TGFBR2: variants seen among roughly 807,000 people sequenced by gnomAD.
The protein encoded by TGFBR2 is transforming growth factor beta receptor 2.
In TGFBR2, 18 loss-of-function variants were observed where a neutral mutation model predicts 49.0. That is an observed-to-expected ratio of 0.37 (90% CI 0.25 to 0.54). TGFBR2 has a LOEUF of 0.54. Among genes scored for constraint, TGFBR2 ranks in the 20% least tolerant of loss-of-function variants. The probability of loss-of-function intolerance (pLI) is 0.85; values close to 1 mark genes in which losing one functional copy is unlikely to be tolerated. For missense variants in TGFBR2, 525 were observed against 722.6 expected (o/e 0.73, Z 3.13); for synonymous variants, 282 against 275.9 (o/e 1.02, Z -0.22).
chr3:30,657,290 G>A (rs9838771), intron 3 of TGFBR2, among the ~76,000 whole-genome samples: 3,624 of 152,234 alleles, frequency 0.024, 134 homozygotes, highest in African/African-American at 0.081. Flanking sequence ...TTTGCCAAAC[G>A]GCAGCCCAGA....
intron 3 of TGFBR2, 120 bp from the exon 4 acceptor site, chr3:30,671,518 C>T (rs1699336408): frequency 4.0e-6 from 4 of 991,450 alleles, no homozygotes; most frequent in African/African-American, 1.6e-5. Flanking sequence ...TTAACAATAT[C>T]GTATCTACAA....
rs1180362720 is a variant in TGFBR2 at position 30,607,865 on chromosome 3, A to AAT, written c.94+897_94+898dup. On this transcript the variant is annotated intron_variant, in intron 1 of 6. Transcript: ENST00000295754. ...TATATATATAAATATATATAATATT[A>AAT]ATATATATATGCATGCAGGAATGGG... Among the ~76,000 whole-genome samples, 10 of 144,966 alleles carry AAT rather than the reference A, an allele frequency of 6.9e-5. No homozygotes were observed. In the East Asian group the frequency reaches 7.9e-4, roughly 11 times the overall value.
At chr3:30,646,510 T>C (rs1288957822) in intron 2 of TGFBR2, among the ~76,000 whole-genome samples, 1 of 152,160 alleles carries the variant, frequency 6.6e-6, no homozygotes, top group Non-Finnish European at 1.5e-5. Context: ...GAAAATATAA[T>C]AAACATATTC....
intron 3 of TGFBR2, among the ~76,000 whole-genome samples, chr3:30,659,947 G>A (rs1324471166): frequency 6.6e-6 from 1 of 151,934 alleles, no homozygotes; most frequent in African/African-American, 2.4e-5. Context: ...TTCCACCCAC[G>A]TATACTCCAG....
At chr3:30,649,189 T>C (rs1299393536) in intron 2 of TGFBR2, among the ~76,000 whole-genome samples, 1 of 152,156 alleles carries the variant, frequency 6.6e-6, no homozygotes, top group Non-Finnish European at 1.5e-5. Flanking sequence ...ACAGAGAGAA[T>C]GCGATTCAAG....
chr3:30,636,315 G>A (rs1422170115), intron 1 of TGFBR2, among the ~76,000 whole-genome samples: 1 of 152,012 alleles, frequency 6.6e-6, no homozygotes, highest in Non-Finnish European at 1.5e-5. Context: ...TTCTTGACAG[G>A]TTTTAAAAAC....
In TGFBR2 at chr3:30,672,461, C is replaced by CCCCTTT; in HGVS notation, c.1254+25_1254+30dup. On this transcript the variant is annotated intron_variant, in intron 4 of 6. Coordinates refer to ENST00000295754, the MANE Select transcript of TGFBR2 (RefSeq NM_003242.6). The surrounding 1 kb of genome is among the most constrained non-coding windows in gnomAD (Gnocchi z 4.5). ...AGGTAAGTTAGAGCTAGTGCTAGAT[C>CCCCTTT]CCCTTTACCTTGAGCCTGGCCTCAC... 6.2e-7 allele frequency: 1 copy of CCCCTTT among 1,612,544 alleles called. No homozygotes were observed.
intron 1 of TGFBR2, among the ~76,000 whole-genome samples, chr3:30,618,712 A>G (rs1698175876): frequency 6.6e-6 from 1 of 152,216 alleles, no homozygotes; most frequent in African/African-American, 2.4e-5. Flanking sequence ...CCAATAAATT[A>G]ATGATTCGAT....
Position 30,606,820 on chromosome 3 carries a change from G to A in TGFBR2, c.-64G>A. The A allele has an allele frequency of 8.4e-7, 1 of 1,190,092 alleles. No homozygotes were observed. The highest frequency in any genetic ancestry group is 1.1e-6 in the Non-Finnish European group (1 of 918,880). 73.7% of individuals were successfully genotyped at this position (1,190,092 alleles called of 1,614,324 possible). On this transcript the variant is annotated 5_prime_UTR_variant, in exon 1 of 7. Transcript: ENST00000295754. ...GGGCGCGGCGCGGAGGCGCAGCCAGGGGTCCGGGAAGGCGCCGTCCGCTGC... is the reference window on the plus strand; with the variant it reads ...GGGCGCGGCGCGGAGGCGCAGCCAGAGGTCCGGGAAGGCGCCGTCCGCTGC...
At chr3:30,674,273 A>G in intron 5 of TGFBR2, 27 bp downstream of exon 5, 1 of 1,613,752 alleles carries the variant, frequency 6.2e-7, no homozygotes, top group Non-Finnish European at 8.5e-7. Context: ...ATCATTGTGT[A>G]GTGGTAAACT....
chr3:30,688,742 AT>A (rs1435189515), intron 6 of TGFBR2, among the ~76,000 whole-genome samples: 2 of 152,220 alleles, frequency 1.3e-5, no homozygotes, highest in Non-Finnish European at 2.9e-5. Context: ...TTCGGAGGAC[AT>A]TTGCCACATT....
rs1559458984 is a variant in TGFBR2 at position 30,650,448 on chromosome 3, A to T, written c.442A>T (p.Ile148Phe). Residue 148 changes from isoleucine (I) to phenylalanine (F), a missense_variant, in exon 3 of 7, where the codon ATC becomes TTC. Physicochemically the swap from Ile to Phe is conservative, Grantham distance 21 (BLOSUM62 0). This residue lies in a region of TGFBR2 where 376 missense variants were observed against 478.2 expected (regional missense o/e 0.79). Transcript: ENST00000295754. ...CTCTGATGAGTGCAATGACAACATC[A>T]TCTTCTCAGAAGGTGAGTTTTCTTC... ...CSSDECNDNI[I>F]FSEEYNTSNP... The T allele has an allele frequency of 6.2e-7, 1 of 1,613,904 alleles. No homozygotes were observed. Among genetic ancestry groups the T allele is most frequent in the East Asian group, 2.2e-5 (1 of 44,880 alleles).
Position 30,623,619 on chromosome 3 carries a change from G to T in TGFBR2, c.94+16642G>T, listed in dbSNP as rs1448286348. ...CGTGTGGTCTGCCCTCTTGGAGGTT[G>T]TGTCACCATTATCAGTAGACAAATG... On this transcript the variant is annotated intron_variant, in intron 1 of 6. Coordinates refer to ENST00000295754, the MANE Select transcript of TGFBR2 (RefSeq NM_003242.6). 2.0e-5 allele frequency among the ~76,000 whole-genome samples: 3 copies of T among 152,312 alleles called. No homozygotes were observed. In the East Asian group the frequency reaches 5.8e-4, roughly 29 times the overall value.
At chr3:30,614,230 T>C (rs1239249864) in intron 1 of TGFBR2, among the ~76,000 whole-genome samples, 3 of 151,764 alleles carry the variant, frequency 2.0e-5, no homozygotes, top group African/African-American at 7.3e-5. Flanking sequence ...CCTCCTATTG[T>C]AAATATTTTA....
chr3:30,675,994 A>G (rs181567644), intron 5 of TGFBR2, among the ~76,000 whole-genome samples: 1 of 152,182 alleles, frequency 6.6e-6, no homozygotes, highest in Non-Finnish European at 1.5e-5. Flanking sequence ...TCCTCAGTCG[A>G]TTTTTGTCTT....
chr3:30,657,630 G>A (rs1051949478), intron 3 of TGFBR2, among the ~76,000 whole-genome samples: 10 of 152,222 alleles, frequency 6.6e-5, no homozygotes, highest in Admixed American at 1.3e-4. Context: ...CTGGCACAGA[G>A]TGAGCACTTA....
At chr3:30,649,559 C>T (rs949447820) in intron 2 of TGFBR2, among the ~76,000 whole-genome samples, 6 of 152,188 alleles carry the variant, frequency 3.9e-5, no homozygotes, top group Non-Finnish European at 8.8e-5. Context: ...TTTCATTGAA[C>T]TGTAAATGAA....
intron 1 of TGFBR2, among the ~76,000 whole-genome samples, chr3:30,631,036 CTTTTTT>C (rs34649868): frequency 6.6e-4 from 80 of 120,880 alleles, no homozygotes; most frequent in African/African-American, 2.4e-3. Flanking sequence ...AAGGAGTAGC[CTTTTTT>C]TTTTTTTTTT....
At chr3:30,688,734 C>T (rs750028672) in intron 6 of TGFBR2, among the ~76,000 whole-genome samples, 13 of 152,208 alleles carry the variant, frequency 8.5e-5, no homozygotes, top group South Asian at 4.1e-4. Flanking sequence ...AATAGCCATT[C>T]GGAGGACATT....
Sources: gnomAD v4.1 joint callset for allele counts (sites outside exome capture counted in the v4.1 genomes callset) on GRCh38, gnomAD v4.1.1 for gene constraint, gnomAD v4.1.1 regional missense constraint, Gnocchi (gnomAD v3.1) non-coding constraint, MANE v1.5 for transcripts, NCBI Gene and HGNC (gene_info 2026-07-23, HGNC 2026-07-21) for gene names.